The following PATJ variants were observed in gnomAD, a reference collection of about 807,000 sequenced individuals.
PATJ encodes inaD-like protein.
In PATJ, 190 loss-of-function variants were observed where a neutral mutation model predicts 224.9. The ratio of observed to expected loss-of-function variants is 0.84; its 90% CI spans 0.75 to 0.95. The LOEUF is 0.95. Ranked by LOEUF, PATJ falls within the 40% of genes least tolerant of loss-of-function variation. The pLI is 0.00. For synonymous variants in PATJ, 769 were observed against 820.3 expected, an observed-to-expected ratio of 0.94 and a Z score of 1.07; for missense variants, 2,121 against 2,270.3, an observed-to-expected ratio of 0.93 and a Z score of 1.34.
chr1:62,132,921 T>G (rs1047483467), intron 41 of PATJ, among the ~76,000 whole-genome samples: 3 of 151,886 alleles, frequency 2.0e-5, no homozygotes, highest in Non-Finnish European at 4.4e-5. Context: ...AAAAAAAAAT[T>G]ACATAAGTAA....
intron 27 of PATJ, among the ~76,000 whole-genome samples, chr1:61,949,618 G>T (rs1256804652): frequency 6.6e-6 from 1 of 152,200 alleles, no homozygotes; most frequent in Non-Finnish European, 1.5e-5. Flanking sequence ...CTTCCAAGAA[G>T]TGAATAGGCC....
chr1:62,024,657 A>AACACACACAC (rs10605703), intron 29 of PATJ, among the ~76,000 whole-genome samples: 9 of 107,736 alleles, frequency 8.4e-5, no homozygotes, highest in African/African-American at 1.1e-4. Context: ...CCCACCTCCC[A>AACACACACAC]ACACACACAC....
chr1:61,791,795 A>G (rs904932138), intron 9 of PATJ, among the ~76,000 whole-genome samples: 1 of 152,168 alleles, frequency 6.6e-6, no homozygotes, highest in East Asian at 1.9e-4. Context: ...TATGTTTCAT[A>G]TTGTAAATGT....
At position 62,162,013 on chromosome 1, in the gene PATJ, T is replaced by C. The variant is rs964819928; in HGVS notation, c.*959T>C. ...ATATGCTAGTCATTGGTGATTTTGA[T>C]GAGTCAATTTACAGACTGTAATCTT... On this transcript the variant is annotated 3_prime_UTR_variant, in exon 44 of 44. Transcript: ENST00000642238. The C allele has an allele frequency of 4.6e-5, 7 of 152,192 alleles. No individual in the cohort carries two copies. The highest frequency in any genetic ancestry group is 1.7e-4 in the African/African-American group (7 of 41,430). 9.4% of individuals were successfully genotyped at this position (152,192 alleles called of 1,614,324 possible). A position where few individuals can be genotyped will look rare whatever the true frequency, so the allele number is the denominator to read the frequency against.
intron 40 of PATJ, 118 bp from the exon 41 acceptor site, chr1:62,128,723 C>T (rs41300322): frequency 0.026 from 19,322 of 751,892 alleles, 362 homozygotes; most frequent in Non-Finnish European, 0.03. Flanking sequence ...ACGGTAGTAA[C>T]GCAGAATCCT....
chr1:62,050,931 G>A lies in PATJ; in HGVS notation c.4033-35G>A, dbSNP rs754147450. Reference sequence around the variant, plus strand: ...ATTCGAGGGAGTGTAAGTGAAGAATGACATCTTTGCCATTTTCTTTTTAAC... The same window carrying A: ...ATTCGAGGGAGTGTAAGTGAAGAATAACATCTTTGCCATTTTCTTTTTAAC... On this transcript the variant is annotated intron_variant, in intron 30 of 43. Coordinates refer to ENST00000642238, the MANE Select transcript of PATJ (RefSeq NM_001350145.3). 4 of 1,495,772 alleles carry A rather than the reference G, an allele frequency of 2.7e-6. No individual in the cohort carries two copies. The South Asian group carries it at 4.6e-5, about 17-fold the overall frequency. The allele number at this position is 1,495,772 out of a possible 1,614,324, so 92.7% of individuals were successfully genotyped here.
Position 62,050,945 on chromosome 1 carries a change from T to A in PATJ, c.4033-21T>A, listed in dbSNP as rs746907077. 13 of 1,592,150 alleles carry A rather than the reference T, an allele frequency of 8.2e-6. No homozygotes were observed. The East Asian group carries it at 2.9e-4, about 36-fold the overall frequency. On this transcript the variant is annotated intron_variant, in intron 30 of 43. Coordinates refer to ENST00000642238, the MANE Select transcript of PATJ (RefSeq NM_001350145.3). ...AAGTGAAGAATGACATCTTTGCCAT[T>A]TTCTTTTTAACGTTCCATAGGATCA...
chr1:61,866,911 C>T (rs1665516774), intron 20 of PATJ, among the ~76,000 whole-genome samples: 1 of 152,170 alleles, frequency 6.6e-6, no homozygotes, highest in Non-Finnish European at 1.5e-5. Context: ...ATTCATGCCT[C>T]CCCTTTTTAG....
At chr1:61,756,984 C>CCT in intron 1 of PATJ, among the ~76,000 whole-genome samples, 1 of 152,116 alleles carries the variant, frequency 6.6e-6, no homozygotes. Context: ...GTGGTACATA[C>CCT]CTCTGCTCTG....
At chr1:62,013,435 A>G in intron 28 of PATJ, 1 of 985,292 alleles carries the variant, frequency 1.0e-6, no homozygotes, top group South Asian at 4.7e-5. Context: ...GCACATCCTC[A>G]TTGAGGGCCA....
chr1:61,823,090 T>G lies in PATJ; in HGVS notation c.1818+11T>G, dbSNP rs1411888364. The G allele has an allele frequency of 1.9e-6, 3 of 1,613,628 alleles. No individual in the cohort carries two copies. The South Asian group carries it at 3.3e-5, about 18-fold the overall frequency. On this transcript the variant is annotated intron_variant, in intron 15 of 43. Coordinates refer to ENST00000642238, the MANE Select transcript of PATJ (RefSeq NM_001350145.3). Reference sequence around the variant, plus strand: ...GATGAGCTGCTTGAGGTAAAATTTATGGGGAAAGAAAGACACAGGCAAGAA... The same window carrying G: ...GATGAGCTGCTTGAGGTAAAATTTAGGGGGAAAGAAAGACACAGGCAAGAA...
At position 62,153,433 on chromosome 1, in the gene PATJ, A is replaced by C; in HGVS notation, c.5454A>C (p.Gly1818=). 8.1e-7 allele frequency: 1 copy of C among 1,231,326 alleles called. No individual in the cohort carries two copies. Among genetic ancestry groups the C allele is most frequent in the Non-Finnish European group, 1.0e-6 (1 of 987,230 alleles). 76.3% of individuals were successfully genotyped at this position (1,231,326 alleles called of 1,614,324 possible). A position where few individuals can be genotyped will look rare whatever the true frequency, so the allele number is the denominator to read the frequency against. ...GLGFSIVGGY[G]SPHGDLPIYV... is the part of the protein sequence containing the mutation. ...GGTTTAGTATTGTAGGGGGTTATGGAAGTCCCCATGGAGACCTGCCAATTT... is the reference window on the plus strand; with the variant it reads ...GGTTTAGTATTGTAGGGGGTTATGGCAGTCCCCATGGAGACCTGCCAATTT... The change falls in exon 43 of 44, where the codon GGA becomes GGC. Residue 1818 remains glycine, a synonymous_variant. Coordinates refer to ENST00000642238, the MANE Select transcript of PATJ (RefSeq NM_001350145.3).
intron 41 of PATJ, among the ~76,000 whole-genome samples, chr1:62,144,768 AAAAAAAAAAATAT>A (rs1667839403): frequency 1.6e-5 from 1 of 63,842 alleles, no homozygotes; most frequent in Admixed American, 2.4e-4. Flanking sequence ...GTTATTTGCA[AAAAAAAAAAATAT>A]ATATATATAT....
intron 43 of PATJ, among the ~76,000 whole-genome samples, chr1:62,153,811 C>CA (rs1276996581): frequency 2.6e-5 from 4 of 151,904 alleles, no homozygotes; most frequent in Non-Finnish European, 5.9e-5. Flanking sequence ...TGAGCTAGAA[C>CA]AAAAAAAAGA....
chr1:61,969,039 T>G (rs1682572371), intron 27 of PATJ, among the ~76,000 whole-genome samples: 1 of 152,206 alleles, frequency 6.6e-6, no homozygotes, highest in Non-Finnish European at 1.5e-5. Flanking sequence ...TCATTCATGT[T>G]GTAGTATGTG....
At chr1:61,977,700 T>G (rs1263428685) in intron 27 of PATJ, among the ~76,000 whole-genome samples, 1 of 151,582 alleles carries the variant, frequency 6.6e-6, no homozygotes, top group Non-Finnish European at 1.5e-5. Context: ...ATTACAGTAT[T>G]TTACATCTCT....
intron 28 of PATJ, among the ~76,000 whole-genome samples, chr1:62,005,160 A>G (rs1010456719): frequency 6.6e-5 from 10 of 150,928 alleles, no homozygotes; most frequent in Admixed American, 5.3e-4. Flanking sequence ...TTTTTGAGAC[A>G]TAGTTTCACC....
intron 27 of PATJ, among the ~76,000 whole-genome samples, chr1:61,931,496 G>A (rs1676021959): frequency 6.6e-6 from 1 of 152,236 alleles, no homozygotes; most frequent in Admixed American, 6.5e-5. Flanking sequence ...GGGTGCAGTG[G>A]CTCACGCCTG....
At chr1:62,070,704 G>A (rs1657237439) in intron 31 of PATJ, among the ~76,000 whole-genome samples, 1 of 152,132 alleles carries the variant, frequency 6.6e-6, no homozygotes, top group Non-Finnish European at 1.5e-5. Context: ...AAGGGCAGGG[G>A]AGCAGTCCTA....
Sources: allele counts gnomAD v4.1 joint callset (sites outside exome capture counted in the v4.1 genomes callset), GRCh38; gene constraint gnomAD v4.1.1; transcripts MANE v1.5; gene names NCBI Gene and HGNC (gene_info 2026-07-23, HGNC 2026-07-21).